The following TRAPPC9 variants were observed in gnomAD, a reference collection of about 807,000 sequenced individuals.
TRAPPC9 encodes IKK2 binding protein.
Under a neutral mutation model 124.0 loss-of-function variants are expected in TRAPPC9, and 83 were observed. That is an observed-to-expected ratio of 0.67 (90% CI 0.56 to 0.80). The LOEUF (loss-of-function observed/expected upper bound fraction) is 0.80. TRAPPC9 is among the 30% of genes least tolerant of loss of function. The probability of loss-of-function intolerance (pLI) is 0.00; values close to 1 mark genes in which losing one functional copy is unlikely to be tolerated. For missense variants in TRAPPC9, 1,302 were observed against 1,508.3 expected (o/e 0.86, Z 2.27); for synonymous variants, 638 against 617.5 (o/e 1.03, Z -0.49).
intron 12 of TRAPPC9, among the ~76,000 whole-genome samples, chr8:140,289,100 C>A (rs1329100249): frequency 6.6e-6 from 1 of 151,986 alleles, no homozygotes; most frequent in Non-Finnish European, 1.5e-5. Flanking sequence ...ATGCTACATG[C>A]ATGTCTATGG....
At chr8:139,771,783 CCCAAA>C (rs1820981983) in intron 21 of TRAPPC9, among the ~76,000 whole-genome samples, 2 of 152,216 alleles carry the variant, frequency 1.3e-5, no homozygotes, top group South Asian at 4.1e-4. Flanking sequence ...GCTGGGCTGA[CCCAAA>C]CCTGCTCCTG....
At chr8:140,454,006 C>T (rs74649267) in intron 1 of TRAPPC9, among the ~76,000 whole-genome samples, 4,221 of 152,254 alleles carry the variant, frequency 0.028, 73 homozygotes, top group Non-Finnish European at 0.036. Flanking sequence ...AGTATCATCT[C>T]GGCCAGACAC....
chr8:140,064,561 T>C (rs1280278722), intron 17 of TRAPPC9, among the ~76,000 whole-genome samples: 1 of 152,088 alleles, frequency 6.6e-6, no homozygotes, highest in Non-Finnish European at 1.5e-5. Flanking sequence ...GCGCACAGGG[T>C]CCTCCCAGAA....
chr8:139,969,330 G>T (rs892983225), intron 19 of TRAPPC9, among the ~76,000 whole-genome samples: 14 of 152,216 alleles, frequency 9.2e-5, no homozygotes, highest in Non-Finnish European at 1.9e-4. Flanking sequence ...CGCTAGACTG[G>T]GGTCTCAAAG....
chr8:140,305,484 A>T (rs1047337374), intron 10 of TRAPPC9, among the ~76,000 whole-genome samples: 1 of 151,990 alleles, frequency 6.6e-6, no homozygotes, highest in Non-Finnish European at 1.5e-5. Flanking sequence ...GTATTTTTGG[A>T]AGAGATGGGG....
At chr8:140,157,400 T>TTTCCATTCAAAAGC (rs2061672956) in intron 17 of TRAPPC9, among the ~76,000 whole-genome samples, 2 of 152,066 alleles carry the variant, frequency 1.3e-5, no homozygotes, top group Admixed American at 6.6e-5. Flanking sequence ...AAGCCTTCCT[T>TTTCCATTCAAAAGC]CTCTTCTTTC....
In TRAPPC9 at chr8:140,234,082, C is replaced by G. The variant is rs1039028889; in HGVS notation, c.2432-12499G>C. Among the ~76,000 whole-genome samples the G allele has an allele frequency of 2.0e-5, 3 of 152,306 alleles. No individual in the cohort carries two copies. In the South Asian group the frequency reaches 6.2e-4, roughly 32 times the overall value. On this transcript the variant is annotated intron_variant, in intron 16 of 22. Coordinates refer to ENST00000438773, the MANE Select transcript of TRAPPC9 (RefSeq NM_001160372.4). ...AGTCATTGAGATCAGGGGTCCCCAA[C>G]CCCCAGTCCGTGGCCTGTAGGAACT...
chr8:140,242,733 C>G lies in TRAPPC9; in HGVS notation c.2431+10044G>C, dbSNP rs1370719423. Among the ~76,000 whole-genome samples the G allele has an allele frequency of 3.3e-5, 5 of 152,222 alleles. No homozygotes were observed. In the South Asian group the frequency reaches 6.2e-4, roughly 19 times the overall value. On this transcript the variant is annotated intron_variant, in intron 16 of 22. Transcript: ENST00000438773. ...TGTATGGTAAGTATTAAGGACAAAA[C>G]TGTTAGGAACATCCATAGCTGGGGA...
At chr8:140,185,278 C>T (rs953047521) in intron 17 of TRAPPC9, among the ~76,000 whole-genome samples, 24 of 152,208 alleles carry the variant, frequency 1.6e-4, no homozygotes, top group East Asian at 7.7e-4. Flanking sequence ...GCAGGACACA[C>T]GCACGTGGAG....
chr8:140,103,746 C>A (rs1329419516), intron 17 of TRAPPC9, among the ~76,000 whole-genome samples: 1 of 152,172 alleles, frequency 6.6e-6, no homozygotes, highest in Admixed American at 6.5e-5. Context: ...TTCACAATGA[C>A]CCTCTGAGAT....
At chr8:140,286,648 C>T (rs1008467762) in intron 13 of TRAPPC9, among the ~76,000 whole-genome samples, 1 of 152,052 alleles carries the variant, frequency 6.6e-6, no homozygotes, top group East Asian at 1.9e-4. Flanking sequence ...ATGGGAATGC[C>T]CGCACTGAGA....
At chr8:139,882,533 C>T (rs1275853505) in intron 21 of TRAPPC9, among the ~76,000 whole-genome samples, 6 of 152,184 alleles carry the variant, frequency 3.9e-5, no homozygotes, top group Non-Finnish European at 4.4e-5. Context: ...AGGTCAACAA[C>T]GTCAATGAAA....
intron 7 of TRAPPC9, among the ~76,000 whole-genome samples, chr8:140,388,234 G>A (rs1414886586): frequency 6.9e-6 from 1 of 144,954 alleles, no homozygotes; most frequent in African/African-American, 2.6e-5. Context: ...GGGGTGGGGA[G>A]GGGGGAGGTG....
At chr8:140,272,384 A>G (rs56685796) in intron 15 of TRAPPC9, among the ~76,000 whole-genome samples, 26,803 of 124,916 alleles carry the variant, frequency 0.21, 3,515 homozygotes, top group East Asian at 0.63. Flanking sequence ...GGTGGTGATG[A>G]TGGTGATGGT....
intron 19 of TRAPPC9, among the ~76,000 whole-genome samples, chr8:139,950,085 T>A (rs946337524): frequency 2.0e-5 from 3 of 152,054 alleles, no homozygotes; most frequent in African/African-American, 7.2e-5. Flanking sequence ...AGAAAGTTTT[T>A]GTCCCATGAT....
At chr8:140,399,927 T>C (rs2069210762) in intron 6 of TRAPPC9, among the ~76,000 whole-genome samples, 2 of 152,224 alleles carry the variant, frequency 1.3e-5, no homozygotes, top group African/African-American at 2.4e-5. Context: ...CAGTGGGAGA[T>C]AATTGAATTG....
intron 21 of TRAPPC9, among the ~76,000 whole-genome samples, chr8:139,876,507 A>G (rs1316695072): frequency 6.6e-6 from 1 of 152,224 alleles, no homozygotes; most frequent in East Asian, 1.9e-4. Flanking sequence ...CTCTGAGGCC[A>G]GCAAATACCA....
At chr8:139,905,650 T>C (rs901884310) in intron 20 of TRAPPC9, among the ~76,000 whole-genome samples, 5 of 152,142 alleles carry the variant, frequency 3.3e-5, no homozygotes, top group Admixed American at 3.3e-4. Flanking sequence ...TCCCAGCCTC[T>C]CGTGGGAAAC....
intron 19 of TRAPPC9, among the ~76,000 whole-genome samples, chr8:139,971,752 C>CACACACACACACACAT (rs1246452854): frequency 0.033 from 4,783 of 146,898 alleles, 308 homozygotes; most frequent in African/African-American, 0.11. Context: ...TATATATACA[C>CACACACACACACACAT]ACACACACAC....
Sources: gnomAD v4.1 joint callset for allele counts (sites outside exome capture counted in the v4.1 genomes callset) on GRCh38, gnomAD v4.1.1 for gene constraint, MANE v1.5 for transcripts, NCBI Gene and HGNC (gene_info 2026-07-23, HGNC 2026-07-21) for gene names.